Variants in SPATA13 observed in about 807,000 individuals in gnomAD.
SPATA13 encodes spermatogenesis-associated protein 13.
A neutral mutation model predicts 104.0 loss-of-function variants in SPATA13; 50 were observed. The observed-to-expected ratio is 0.48, with a 90% CI of 0.38 to 0.61. The LOEUF (loss-of-function observed/expected upper bound fraction) is 0.61. SPATA13 is among the 20% of genes least tolerant of loss of function. SPATA13 has a pLI of 0.00. For synonymous variants in SPATA13, 606 were observed against 667.5 expected (o/e 0.91, Z 1.42); for missense variants, 1,524 against 1,690.6 (o/e 0.90, Z 1.73).
chr13:24,138,216 A>G (rs1881635188), intron 3 of SPATA13, among the ~76,000 whole-genome samples: 1 of 151,862 alleles, frequency 6.6e-6, no homozygotes, highest in South Asian at 2.1e-4. Context: ...CTGAGGCAAG[A>G]GAATTGCTTG....
At chr13:23,981,660 C>A (rs953780463) in intron 1 of SPATA13, among the ~76,000 whole-genome samples, 3 of 152,150 alleles carry the variant, frequency 2.0e-5, no homozygotes, top group African/African-American at 7.2e-5. Flanking sequence ...TCAAGGCAGG[C>A]ATTTTTGGAC....
At chr13:24,174,084 G>A (rs960321399) in intron 1 of SPATA13, among the ~76,000 whole-genome samples, 2 of 152,090 alleles carry the variant, frequency 1.3e-5, no homozygotes, top group African/African-American at 4.8e-5. Context: ...AAAACCACCT[G>A]GGCATAAAGA....
At chr13:24,043,073 G>A (rs888988926) in intron 3 of SPATA13, among the ~76,000 whole-genome samples, 7 of 152,178 alleles carry the variant, frequency 4.6e-5, no homozygotes, top group African/African-American at 1.7e-4. Context: ...TAAATTTCAA[G>A]TGTTCGTTTC....
intron 1 of SPATA13, among the ~76,000 whole-genome samples, chr13:23,981,235 A>G (rs1389191454): frequency 2.6e-5 from 4 of 152,012 alleles, no homozygotes; most frequent in East Asian, 1.9e-4. Context: ...TTGTCTTACT[A>G]TGTCAAAGAT....
At chr13:24,174,585 T>A (rs1883140150) in intron 1 of SPATA13, among the ~76,000 whole-genome samples, 1 of 152,134 alleles carries the variant, frequency 6.6e-6, no homozygotes, top group Non-Finnish European at 1.5e-5. Flanking sequence ...TTTTTTATTA[T>A]CACTTTTTTG....
intron 4 of SPATA13, among the ~76,000 whole-genome samples, chr13:24,272,336 G>C (rs1217451606): frequency 6.6e-6 from 1 of 152,230 alleles, no homozygotes; most frequent in Non-Finnish European, 1.5e-5. Flanking sequence ...CTGCGGCCTT[G>C]ACCCTCTACA....
intron 3 of SPATA13, among the ~76,000 whole-genome samples, chr13:24,121,578 CT>C: frequency 6.6e-6 from 1 of 152,238 alleles, no homozygotes; most frequent in African/African-American, 2.4e-5. Context: ...ATTACCTTAT[CT>C]TATTGACATA....
rs965218702 is a variant in SPATA13, at chr13:24,088,616, A to G, written c.-112+70915A>G. On this transcript the variant is annotated intron_variant, in intron 3 of 14. Coordinates refer to the SPATA13 transcript ENST00000424834. This position sits in a 1 kb window ranked among gnomAD's most constrained non-coding sequence, Gnocchi z 4.3. ...ATAATAAACACATCTCTTTAACCTC[A>G]ATTTTCTCTTTCCCAAAATGGAATA... 6.6e-6 allele frequency among the ~76,000 whole-genome samples: 1 copy of G among 152,040 alleles called. No homozygotes were observed. Among genetic ancestry groups the G allele is most frequent in the African/African-American group, 2.4e-5 (1 of 41,388 alleles).
intron 1 of SPATA13, among the ~76,000 whole-genome samples, chr13:24,181,918 C>T (rs995367862): frequency 1.3e-5 from 2 of 152,140 alleles, no homozygotes; most frequent in African/African-American, 4.8e-5. Context: ...AGTTCGAGAC[C>T]AGCCTGGTCA....
At chr13:24,178,281 T>C (rs1276084258) in intron 1 of SPATA13, among the ~76,000 whole-genome samples, 1 of 152,248 alleles carries the variant, frequency 6.6e-6, no homozygotes, top group Non-Finnish European at 1.5e-5. Context: ...CTCTGCCACC[T>C]GTGAGCATGC....
chr13:24,302,524 A>G (rs570119392), intron 12 of SPATA13, 74 bp from the exon 13 acceptor site: 31 of 756,724 alleles, frequency 4.1e-5, no homozygotes, highest in Non-Finnish European at 5.7e-5. Context: ...GAGTCTCAGC[A>G]TTTTTATTTT....
intron 2 of SPATA13, among the ~76,000 whole-genome samples, chr13:23,996,158 T>C (rs1172526084): frequency 6.6e-6 from 1 of 152,164 alleles, no homozygotes; most frequent in Non-Finnish European, 1.5e-5. Context: ...TATTATCTCA[T>C]ATTTCAGGGG....
At chr13:24,086,984 G>A (rs926948668) in intron 3 of SPATA13, among the ~76,000 whole-genome samples, 2 of 152,212 alleles carry the variant, frequency 1.3e-5, no homozygotes, top group Non-Finnish European at 2.9e-5. Flanking sequence ...TTTCCCTGTG[G>A]CCCAAAGTAT....
intron 4 of SPATA13, among the ~76,000 whole-genome samples, chr13:24,277,231 T>G (rs994537019): frequency 6.6e-6 from 1 of 151,852 alleles, no homozygotes; most frequent in Non-Finnish European, 1.5e-5. Context: ...GATCACAAGG[T>G]CAGGAGATCG....
chr13:24,270,071 A>G (rs1286693400), intron 4 of SPATA13, among the ~76,000 whole-genome samples: 2 of 152,016 alleles, frequency 1.3e-5, no homozygotes, highest in Admixed American at 6.5e-5. Context: ...CTTTGCGTAT[A>G]TATTACCTCA....
chr13:24,091,070 G>A (rs1040712595), intron 3 of SPATA13, among the ~76,000 whole-genome samples: 2 of 152,214 alleles, frequency 1.3e-5, no homozygotes, highest in African/African-American at 4.8e-5. Flanking sequence ...TTCCTTACAT[G>A]CATTGAACTG....
Position 24,304,414 on chromosome 13 carries a change from A to G in SPATA13, c.*1641A>G, listed in dbSNP as rs553593678. On this transcript the variant is annotated 3_prime_UTR_variant, in exon 13 of 13. Coordinates refer to ENST00000382108, the MANE Select transcript of SPATA13 (RefSeq NM_001166271.3). ...CAGGAGATGCTGTGTTAAACTGTTAATGGATATCTATATGAGAAGCTCATT... is the reference window on the plus strand; with the variant it reads ...CAGGAGATGCTGTGTTAAACTGTTAGTGGATATCTATATGAGAAGCTCATT... 2.6e-5 allele frequency: 4 copies of G among 152,146 alleles called. No individual in the cohort carries two copies. The highest frequency in any genetic ancestry group is 9.6e-5 in the African/African-American group (4 of 41,528). The allele number at this position is 152,146 out of a possible 1,614,324, so 9.4% of individuals were successfully genotyped here.
chr13:24,167,086 T>A (rs1323622015), intron 1 of SPATA13, among the ~76,000 whole-genome samples: 1 of 152,202 alleles, frequency 6.6e-6, no homozygotes, highest in East Asian at 1.9e-4. Context: ...ATGACCTATG[T>A]GTTGAAATTT....
chr13:24,183,360 G>C (rs1375246218), intron 1 of SPATA13, among the ~76,000 whole-genome samples: 1 of 152,194 alleles, frequency 6.6e-6, no homozygotes, highest in East Asian at 1.9e-4. Context: ...CTGAATGACA[G>C]AACTAGAAAC....
Sources: allele counts gnomAD v4.1 joint callset (sites outside exome capture counted in the v4.1 genomes callset), GRCh38; gene constraint gnomAD v4.1.1; non-coding constraint Gnocchi (gnomAD v3.1); transcripts MANE v1.5; gene names NCBI Gene and HGNC (gene_info 2026-07-23, HGNC 2026-07-21).